Variants in TET3 observed in about 807,000 individuals in gnomAD.
TET3 encodes the protein tet methylcytosine dioxygenase 3.
TET3 carries 19 observed loss-of-function variants against 141.4 expected under a neutral mutation model. The ratio of observed to expected loss-of-function variants is 0.13; its 90% CI spans 0.09 to 0.20. TET3 has a LOEUF of 0.20. Ranked by LOEUF, TET3 falls within the 10% of genes least tolerant of loss-of-function variation. The pLI, the probability that TET3 is intolerant of heterozygous loss-of-function variation, is 1.00. For synonymous variants in TET3, 1,043 were observed against 980.9 expected (o/e 1.06, Z -1.18); for missense variants, 1,874 against 2,356.9 (o/e 0.80, Z 4.24).
intron 4 of TET3, among the ~76,000 whole-genome samples, chr2:74,061,717 C>A (rs1035468344): frequency 4.2e-5 from 6 of 142,916 alleles, no homozygotes; most frequent in Admixed American, 4.1e-4. Flanking sequence ...AGCTGCCGGG[C>A]GGAGGGGCTC....
chr2:74,093,852 C>T lies in TET3; in HGVS notation c.3267+186C>T, dbSNP rs755892333. On this transcript the variant is annotated intron_variant, in intron 10 of 11. Transcript: ENST00000409262. This position sits in a 1 kb window ranked among gnomAD's most constrained non-coding sequence, Gnocchi z 4.2. Reference sequence around the variant, plus strand: ...TCCCAGAGAAAACCTCACCAGAAAACCCTTGAACAGACAAGGCTGGCTTTG... The same window carrying T: ...TCCCAGAGAAAACCTCACCAGAAAATCCTTGAACAGACAAGGCTGGCTTTG... Among the ~76,000 whole-genome samples, 10 of 152,220 alleles carry T rather than the reference C, an allele frequency of 6.6e-5. No individual in the cohort carries two copies. Among genetic ancestry groups the T allele is most frequent in the Non-Finnish European group, 1.3e-4 (9 of 68,036 alleles).
chr2:74,100,068 G>A (rs1432654789), intron 11 of TET3, among the ~76,000 whole-genome samples: 1 of 152,186 alleles, frequency 6.6e-6, no homozygotes, highest in Non-Finnish European at 1.5e-5. Flanking sequence ...CACAGAGTGG[G>A]TGGTGGTGGT....
the TET3 span, among the ~76,000 whole-genome samples, chr2:74,133,889 C>T: frequency 1.2e-4 from 18 of 152,078 alleles, no homozygotes; most frequent in Admixed American, 6.6e-5. Flanking sequence ...GGATTACAGG[C>T]GCGTGCCATC....
At chr2:74,005,038 G>C (rs1366644381) in intron 3 of TET3, among the ~76,000 whole-genome samples, 38 of 152,168 alleles carry the variant, frequency 2.5e-4, no homozygotes, top group Admixed American at 2.4e-3. Context: ...TGGGAGAAAG[G>C]ACGGGCTGGC....
At chr2:74,123,828 G>T in the TET3 span, among the ~76,000 whole-genome samples, 1 of 151,650 alleles carries the variant, frequency 6.6e-6, no homozygotes, top group African/African-American at 2.4e-5. Context: ...GTCTCTGCCC[G>T]GCCGCCCATC....
the TET3 span, among the ~76,000 whole-genome samples, chr2:74,115,859 C>CA: frequency 1.3e-5 from 2 of 151,714 alleles, no homozygotes; most frequent in East Asian, 3.9e-4. Context: ...ACAAAAAATA[C>CA]AAAAAATTAG....
chr2:74,049,333 A>C (rs1332176825), intron 4 of TET3, among the ~76,000 whole-genome samples: 2 of 152,152 alleles, frequency 1.3e-5, no homozygotes, highest in African/African-American at 4.8e-5. Context: ...TTAGCATGCA[A>C]GTCATGGTTG....
intron 3 of TET3, among the ~76,000 whole-genome samples, chr2:74,022,357 C>T (rs1004387928): frequency 1.3e-4 from 20 of 151,622 alleles, no homozygotes; most frequent in South Asian, 2.1e-4. Context: ...GTGGTATTAA[C>T]TCTTTATCAT....
Position 74,092,935 on chromosome 2 carries a change from G to A in TET3, c.3073G>A (p.Ala1025Thr). 6.3e-7 allele frequency: 1 copy of A among 1,591,388 alleles called. No individual in the cohort carries two copies. The highest frequency in any genetic ancestry group is 8.6e-7 in the Non-Finnish European group (1 of 1,169,158). ...EVLRKSFQDLATEVAPLYKRL... is the reference protein window; with the variant it reads ...EVLRKSFQDLTTEVAPLYKRL... ...GCTCCGGAAGAGTTTCCAGGACCTGGCCACCGAAGTCGCTCCCCTGTACAA... is the reference window on the plus strand; with the variant it reads ...GCTCCGGAAGAGTTTCCAGGACCTGACCACCGAAGTCGCTCCCCTGTACAA... The change falls in exon 9 of 12, where the codon GCC becomes ACC. Residue 1025 changes from alanine to threonine, a missense_variant. Physicochemically the swap from Ala to Thr is moderately conservative, Grantham distance 58. Transcript: ENST00000409262.
intron 4 of TET3, among the ~76,000 whole-genome samples, chr2:74,059,438 A>G (rs1300406472): frequency 6.6e-6 from 1 of 151,878 alleles, no homozygotes; most frequent in African/African-American, 2.4e-5. Flanking sequence ...TTTTTTTAGT[A>G]GAGACAGGGT....
intron 3 of TET3, among the ~76,000 whole-genome samples, chr2:74,010,817 A>G (rs1685390019): frequency 6.6e-6 from 1 of 152,262 alleles, no homozygotes; most frequent in African/African-American, 2.4e-5. Context: ...ATGTCAGACC[A>G]AACACTGGAT....
chr2:74,075,320 C>CTTTTTTTTTT, intron 5 of TET3, among the ~76,000 whole-genome samples: 1 of 89,080 alleles, frequency 1.1e-5, no homozygotes, highest in African/African-American at 4.3e-5. Context: ...GAGCCAAATA[C>CTTTTTTTTTT]TTTTTTTTTT....
chr2:74,081,623 G>A (rs976096887), intron 6 of TET3, among the ~76,000 whole-genome samples: 1 of 152,150 alleles, frequency 6.6e-6, no homozygotes, highest in Non-Finnish European at 1.5e-5. Flanking sequence ...GAGGCTGGGT[G>A]GACAGACCCG....
chr2:74,003,426 T>TG (rs1684971284), intron 3 of TET3, among the ~76,000 whole-genome samples: 1 of 111,606 alleles, frequency 9.0e-6, no homozygotes, highest in Non-Finnish European at 2.0e-5. Flanking sequence ...GTTGAACTGT[T>TG]TTTTTTTTTT....
At chr2:74,124,976 C>G in the TET3 span, among the ~76,000 whole-genome samples, 1 of 140,018 alleles carries the variant, frequency 7.1e-6, no homozygotes, top group Non-Finnish European at 1.6e-5. Context: ...AAAAAAGGTG[C>G]TAACATGTAT....
chr2:74,039,457 T>C (rs1009630716), intron 3 of TET3, among the ~76,000 whole-genome samples: 3 of 152,216 alleles, frequency 2.0e-5, no homozygotes, highest in African/African-American at 2.4e-5. Context: ...CATTGACTTA[T>C]ATATAGGCCT....
At chr2:73,985,560 C>T (rs1683978653) in intron 1 of TET3, among the ~76,000 whole-genome samples, 1 of 148,718 alleles carries the variant, frequency 6.7e-6, no homozygotes, top group Non-Finnish European at 1.5e-5. Context: ...GCCCCCACCT[C>T]CAGGCGGCTT....
At chr2:74,133,743 G>GT in the TET3 span, among the ~76,000 whole-genome samples, 23 of 152,162 alleles carry the variant, frequency 1.5e-4, no homozygotes, top group African/African-American at 4.8e-4. Flanking sequence ...ACTTTATTCT[G>GT]TTTTTTTGTT....
At chr2:73,998,060 T>C (rs1215751774) in intron 2 of TET3, among the ~76,000 whole-genome samples, 1 of 152,108 alleles carries the variant, frequency 6.6e-6, no homozygotes, top group Non-Finnish European at 1.5e-5. Flanking sequence ...GAGATGCTAC[T>C]TGATGCTGGC....
Sources: gnomAD v4.1 joint callset for allele counts (sites outside exome capture counted in the v4.1 genomes callset) on GRCh38, gnomAD v4.1.1 for gene constraint, Gnocchi (gnomAD v3.1) non-coding constraint, MANE v1.5 for transcripts, NCBI Gene and HGNC (gene_info 2026-07-23, HGNC 2026-07-21) for gene names.